The following UHRF1 variants were observed in gnomAD, a reference collection of about 807,000 sequenced individuals.
The protein encoded by UHRF1 is E3 ubiquitin-protein ligase UHRF1.
UHRF1 carries 9 observed loss-of-function variants against 96.5 expected under a neutral mutation model. The ratio of observed to expected loss-of-function variants is 0.09; its 90% CI spans 0.06 to 0.16. UHRF1 has a LOEUF of 0.16. UHRF1 is among the 10% of genes least tolerant of loss of function. The pLI is 1.00. For missense variants in UHRF1, 626 were observed against 1,131.1 expected (o/e 0.55, Z 6.40); for synonymous variants, 455 against 469.9 (o/e 0.97, Z 0.41).
upstream of UHRF1, among the ~76,000 whole-genome samples, chr19:4,905,872 G>T (rs186713458): frequency 2.8e-3 from 431 of 152,294 alleles, 2 homozygotes; most frequent in Admixed American, 5.2e-3. Flanking sequence ...ATGTGGCCCA[G>T]GGAAGCCAAA....
intron 2 of UHRF1, among the ~76,000 whole-genome samples, chr19:4,920,257 C>A (rs2032661287): frequency 6.6e-6 from 1 of 151,984 alleles, no homozygotes; most frequent in Non-Finnish European, 1.5e-5. Flanking sequence ...CATGGTGAAA[C>A]CTCGTCTCTA....
chr19:4,905,792 C>A (rs553872093), upstream of UHRF1, among the ~76,000 whole-genome samples: 10 of 152,302 alleles, frequency 6.6e-5, no homozygotes, highest in Admixed American at 5.2e-4. Flanking sequence ...TCTGGGATTA[C>A]AGGCGTGAGC....
At chr19:4,918,880 C>T (rs2032611209) in intron 2 of UHRF1, among the ~76,000 whole-genome samples, 1 of 151,712 alleles carries the variant, frequency 6.6e-6, no homozygotes, top group South Asian at 2.1e-4. Flanking sequence ...TACTACTATA[C>T]CTGGCTGATT....
chr19:4,906,607 G>T (rs2032069067), upstream of UHRF1, among the ~76,000 whole-genome samples: 1 of 152,036 alleles, frequency 6.6e-6, no homozygotes, highest in African/African-American at 2.4e-5. Flanking sequence ...TAAAAAATTA[G>T]CCGGACATGG....
At chr19:4,911,127 C>T (rs540506584) in intron 2 of UHRF1, 89 bp downstream of exon 2, 35 of 1,214,486 alleles carry the variant, frequency 2.9e-5, no homozygotes, top group African/African-American at 7.7e-5. Flanking sequence ...CCTCCCACCT[C>T]CCCCCCCAAC....
At chr19:4,907,521 C>T (rs749438429), upstream of UHRF1, among the ~76,000 whole-genome samples, 3 of 152,046 alleles carry the variant, frequency 2.0e-5, no homozygotes, top group African/African-American at 4.8e-5. Context: ...CTGCCTGCCT[C>T]GGCCTCCCAA....
Position 4,954,264 on chromosome 19 carries a change from G to C in UHRF1, c.1819-86G>C, listed in dbSNP as rs2145212302. ...GGGGTCAGGTGTGTCTGGAAACCCA[G>C]ACCTGGCAAGGAGGCTGGAAGAGCG... On this transcript the variant is annotated intron_variant, in intron 13 of 16. Transcript: ENST00000650932. The surrounding 1 kb of genome is among the most constrained non-coding windows in gnomAD (Gnocchi z 5.9). The C allele has an allele frequency of 6.5e-7, 1 of 1,547,378 alleles. No homozygotes were observed. Among genetic ancestry groups the C allele is most frequent in the East Asian group, 2.4e-5 (1 of 41,684 alleles).
At chr19:4,927,358 G>A (rs2032904627) in intron 2 of UHRF1, among the ~76,000 whole-genome samples, 1 of 140,446 alleles carries the variant, frequency 7.1e-6, no homozygotes. Context: ...TCCACCCTGG[G>A]CGACAGAGTG....
Position 4,946,884 on chromosome 19 carries a change from A to G in UHRF1, c.1411-221A>G, listed in dbSNP as rs146183620. On this transcript the variant is annotated intron_variant, in intron 10 of 16. Transcript: ENST00000650932. ...AGCCACCATGCCCAGCCCTCTGTTT[A>G]AGTTTCTTGAGGACGCACCACACTG... is the stretch of plus-strand genomic sequence containing the variant. Among the ~76,000 whole-genome samples, 79 of 151,734 alleles carry G rather than the reference A, an allele frequency of 5.2e-4. No individual in the cohort carries two copies. The East Asian group carries it at 0.015, about 28-fold the overall frequency.
In UHRF1 at chr19:4,932,917, C is replaced by T; in HGVS notation, c.746C>T (p.Thr249Ile). ...YDAEISRKRE[T>I]RTARELYANV... is the part of the protein sequence containing the mutation. Reference sequence around the variant, plus strand: ...GCGGAGATCTCCAGGAAGCGCGAGACCAGGACGGCGCGGGAACTCTACGCC... The same window carrying T: ...GCGGAGATCTCCAGGAAGCGCGAGATCAGGACGGCGCGGGAACTCTACGCC... The change falls in exon 5 of 17, where the codon ACC becomes ATC. Residue 249 changes from threonine to isoleucine, a missense_variant. This residue lies in a region of UHRF1 where 198 missense variants were observed against 235.1 expected (regional missense o/e 0.84). Transcript: ENST00000650932. 6.2e-7 allele frequency: 1 copy of T among 1,613,642 alleles called. No homozygotes were observed.
intron 2 of UHRF1, among the ~76,000 whole-genome samples, chr19:4,923,327 G>A (rs1011022026): frequency 2.0e-5 from 3 of 152,160 alleles, no homozygotes; most frequent in African/African-American, 7.2e-5. Flanking sequence ...TTCTTGGCCT[G>A]TCTGGCCCCC....
At position 4,940,471 on chromosome 19, in the gene UHRF1, A is replaced by G. The variant is rs1355867739; in HGVS notation, c.786-1057A>G. Among the ~76,000 whole-genome samples the G allele has an allele frequency of 2.1e-5, 3 of 143,800 alleles. No individual in the cohort carries two copies. In the East Asian group the frequency reaches 6.1e-4, roughly 29 times the overall value. The allele number at this position is 143,800 out of a possible 152,430, so 94.3% of individuals were successfully genotyped here. A position where few individuals can be genotyped will look rare whatever the true frequency, so the allele number is the denominator to read the frequency against. ...AACCTCCATTTCCCAGGTTCAAGCG[A>G]TTCTCCTGCCTCAGCCTCCCGAGTA... On this transcript the variant is annotated intron_variant, in intron 5 of 16. Coordinates refer to ENST00000650932, the MANE Select transcript of UHRF1 (RefSeq NM_001048201.3).
intron 7 of UHRF1, 44 bp from the exon 8 acceptor site, chr19:4,944,088 A>T: frequency 6.2e-7 from 1 of 1,608,784 alleles, no homozygotes; most frequent in South Asian, 1.1e-5. Context: ...TGGCTGAGAC[A>T]TCTGCCAGGC....
intron 1 of UHRF1, among the ~76,000 whole-genome samples, chr19:4,904,203 G>A (rs2032013460): frequency 1.3e-5 from 2 of 151,366 alleles, no homozygotes; most frequent in Admixed American, 6.6e-5. Flanking sequence ...TTTGAGATTG[G>A]AGTCTCACTT....
chr19:4,930,880 A>G lies in UHRF1; in HGVS notation c.569+4A>G. 3 of 1,613,654 alleles carry G rather than the reference A, an allele frequency of 1.9e-6. No homozygotes were observed. The highest frequency in any genetic ancestry group is 2.5e-6 in the Non-Finnish European group (3 of 1,179,750). ...TTTACCACGTGAAATACGACGAGTG[A>G]GTCATGGCAGGTGGGCGGGCCTGGG... On this transcript the variant is annotated splice_donor_region_variant and intron_variant, in intron 4 of 16. Transcript: ENST00000650932. This position sits in a 1 kb window ranked among gnomAD's most constrained non-coding sequence, Gnocchi z 4.4.
rs572233430 is a variant in UHRF1, at chr19:4,944,002, A to G, written c.1074-130A>G. The stretch of plus-strand genomic sequence containing the variant: ...AGCCTCGTGTGCCAAGCGGCCTGCA[A>G]TGTGGACAGGGCAGGATGGTAGTGG... On this transcript the variant is annotated intron_variant, in intron 7 of 16. Coordinates refer to ENST00000650932, the MANE Select transcript of UHRF1 (RefSeq NM_001048201.3). The G allele has an allele frequency of 1.2e-4, 169 of 1,410,804 alleles. 1 individual carries two copies. In the Middle Eastern group the frequency reaches 1.5e-3, roughly 13 times the overall value. 87.4% of individuals were successfully genotyped at this position (1,410,804 alleles called of 1,614,324 possible). A position where few individuals can be genotyped will look rare whatever the true frequency, so the allele number is the denominator to read the frequency against.
rs1256880426 is a variant in UHRF1 at position 4,917,647 on chromosome 19, C to T, written c.153+6609C>T. Among the ~76,000 whole-genome samples, 22 of 121,838 alleles carry T rather than the reference C, an allele frequency of 1.8e-4. No individual in the cohort carries two copies. The East Asian group carries it at 3.1e-3, about 17-fold the overall frequency. The allele number at this position is 121,838 out of a possible 152,430, so 79.9% of individuals were successfully genotyped here. A position where few individuals can be genotyped will look rare whatever the true frequency, so the allele number is the denominator to read the frequency against. Reference sequence around the variant, plus strand: ...CCAGCTTGGCAACAGAGCGAGACTCCGTCTCAAAAAAAAAAAAAAAAAAAA... The same window carrying T: ...CCAGCTTGGCAACAGAGCGAGACTCTGTCTCAAAAAAAAAAAAAAAAAAAA... On this transcript the variant is annotated intron_variant, in intron 2 of 16. Coordinates refer to ENST00000650932, the MANE Select transcript of UHRF1 (RefSeq NM_001048201.3).
intron 16 of UHRF1, 63 bp downstream of exon 16, chr19:4,956,876 TC>T: frequency 8.7e-7 from 1 of 1,146,258 alleles, no homozygotes; most frequent in South Asian, 1.3e-5. Flanking sequence ...GACCTCCCGT[TC>T]CCACATGCCT....
intron 5 of UHRF1, among the ~76,000 whole-genome samples, chr19:4,936,803 C>CAAA (rs200751668): frequency 2.9e-5 from 2 of 69,812 alleles, no homozygotes; most frequent in African/African-American, 1.0e-4. Flanking sequence ...AGAGAGTCTG[C>CAAA]AAAAAAAAAA....
Sources: gnomAD v4.1 joint callset for allele counts (sites outside exome capture counted in the v4.1 genomes callset) on GRCh38, gnomAD v4.1.1 for gene constraint, gnomAD v4.1.1 regional missense constraint, Gnocchi (gnomAD v3.1) non-coding constraint, MANE v1.5 for transcripts, NCBI Gene and HGNC (gene_info 2026-07-23, HGNC 2026-07-21) for gene names.